Variants in COL11A1 observed in about 807,000 individuals in gnomAD.
COL11A1 encodes collagen type XI alpha 1 chain, also known as collagen alpha-1(XI) chain.
COL11A1 carries 74 observed loss-of-function variants against 265.2 expected under a neutral mutation model. That is an observed-to-expected ratio of 0.28 (90% CI 0.23 to 0.34). The LOEUF (loss-of-function observed/expected upper bound fraction) is 0.34. Ranked by LOEUF, COL11A1 falls within the 10% of genes least tolerant of loss-of-function variation. COL11A1 has a pLI of 1.00. For missense variants in COL11A1, 2,165 were observed against 2,263.6 expected (o/e 0.96, Z 0.88); for synonymous variants, 816 against 727.6 (o/e 1.12, Z -1.96).
chr1:103,018,957 T>C, intron 9 of COL11A1, 98 bp from the exon 10 acceptor site: 3 of 940,194 alleles, frequency 3.2e-6, no homozygotes, highest in Non-Finnish European at 5.1e-6. Context: ...GCATATTAAA[T>C]AGTGAATTAT....
At chr1:102,905,229 G>C (rs11576276) in intron 54 of COL11A1, among the ~76,000 whole-genome samples, 62,786 of 97,878 alleles carry the variant, frequency 0.64, 22,635 homozygotes, top group East Asian at 0.98. Context: ...GTTGTGGGGT[G>C]GGGGGAGGGG....
At chr1:102,998,387 A>G (rs1439991599) in intron 24 of COL11A1, 24 bp from the exon 25 acceptor site, 2 of 1,495,226 alleles carry the variant, frequency 1.3e-6, no homozygotes, top group Non-Finnish European at 1.8e-6. Flanking sequence ...AAAAAATATT[A>G]AAAAGATAAA....
intron 58 of COL11A1, 118 bp downstream of exon 58, chr1:102,890,333 G>T: frequency 1.1e-6 from 1 of 910,628 alleles, no homozygotes; most frequent in South Asian, 1.7e-5. Context: ...GCTTTTTTCA[G>T]GGTTAGAATG....
chr1:102,881,727 A>T lies in COL11A1; in HGVS notation c.5010T>A (p.Ser1670Arg). ...TTCCCCTCTTAAATTCACTAAACCA[A>T]CTTCCTGGTTTCTCCTTTGGCCATG... is the stretch of plus-strand genomic sequence containing the variant. The part of the protein sequence containing the change: ...ISSWPKEKPG[S>R]WFSEFKRGKL... Residue 1670 changes from serine to arginine, a missense_variant, in exon 65 of 67, where the codon AGT becomes AGA. By Grantham distance (110) the Ser-to-Arg change is moderately radical. Coordinates refer to ENST00000370096, the MANE Select transcript of COL11A1 (RefSeq NM_001854.4). 1 of 1,612,632 alleles carries T rather than the reference A, an allele frequency of 6.2e-7. No homozygotes were observed. The highest frequency in any genetic ancestry group is 8.5e-7 in the Non-Finnish European group (1 of 1,179,106).
At chr1:103,072,408 T>C (rs1209526035) in intron 4 of COL11A1, among the ~76,000 whole-genome samples, 2 of 151,920 alleles carry the variant, frequency 1.3e-5, no homozygotes, top group Non-Finnish European at 2.9e-5. Flanking sequence ...TTCAGACTAA[T>C]GAATCACTGG....
chr1:103,083,949 C>A lies in COL11A1; in HGVS notation c.107-977G>T, dbSNP rs541159852. Among the ~76,000 whole-genome samples the A allele has an allele frequency of 3.9e-5, 6 of 152,196 alleles. No homozygotes were observed. In the East Asian group the frequency reaches 9.7e-4, roughly 25 times the overall value. ...TGGTCAATATAAAATATGTTTGGAA[C>A]CTTAAACTTTCCCTTTGTAAGTGTG... On this transcript the variant is annotated intron_variant, in intron 1 of 66. Coordinates refer to ENST00000370096, the MANE Select transcript of COL11A1 (RefSeq NM_001854.4).
rs1230747883 is a variant in COL11A1 at position 103,040,782 on chromosome 1, T to C, written c.652-9538A>G. Among the ~76,000 whole-genome samples the C allele has an allele frequency of 2.6e-5, 4 of 151,834 alleles. No individual in the cohort carries two copies. In the East Asian group the frequency reaches 7.7e-4, roughly 29 times the overall value. On this transcript the variant is annotated intron_variant, in intron 4 of 66. Transcript: ENST00000370096. ...TTATTCATATGTAAGGAAACAAGTA[T>C]GTAATATTTTTATTTTTCTTTAACT...
At chr1:103,031,959 A>T (rs1261515409) in intron 4 of COL11A1, among the ~76,000 whole-genome samples, 5 of 152,004 alleles carry the variant, frequency 3.3e-5, no homozygotes, top group Non-Finnish European at 5.9e-5. Flanking sequence ...GAATTACCTA[A>T]AGAGTTTTAA....
At chr1:102,927,978 A>G (rs1031206107) in intron 46 of COL11A1, among the ~76,000 whole-genome samples, 8 of 152,118 alleles carry the variant, frequency 5.3e-5, no homozygotes, top group African/African-American at 1.9e-4. Context: ...CGGGGAAAGG[A>G]AGCGAAAGTG....
chr1:103,016,607 A>G (rs560426295), intron 11 of COL11A1, among the ~76,000 whole-genome samples: 1 of 151,940 alleles, frequency 6.6e-6, no homozygotes, highest in Non-Finnish European at 1.5e-5. Context: ...ACAAAATGCT[A>G]TAACTCAAAG....
chr1:103,014,734 G>T (rs1666421445), intron 12 of COL11A1, 140 bp from the exon 13 acceptor site: 1 of 724,946 alleles, frequency 1.4e-6, no homozygotes, highest in Non-Finnish European at 2.4e-6. Flanking sequence ...AATGAATCAT[G>T]AGATCTAGTT....
intron 63 of COL11A1, among the ~76,000 whole-genome samples, chr1:102,884,806 G>A (rs1050031869): frequency 2.6e-5 from 4 of 152,094 alleles, no homozygotes; most frequent in Non-Finnish European, 5.9e-5. Flanking sequence ...CCAGTCGTCC[G>A]CTTGACCCTC....
At chr1:103,082,540 TA>T (rs1437052198) in intron 2 of COL11A1, among the ~76,000 whole-genome samples, 1 of 152,076 alleles carries the variant, frequency 6.6e-6, no homozygotes, top group Non-Finnish European at 1.5e-5. Context: ...AATGTTCAAA[TA>T]AGAATATTTT....
rs149829359 is a variant in COL11A1, at chr1:103,050,828, C to T, written c.652-19584G>A. Among the ~76,000 whole-genome samples, 65 of 152,298 alleles carry T rather than the reference C, an allele frequency of 4.3e-4. No homozygotes were observed. The East Asian group carries it at 0.01, about 24-fold the overall frequency. On this transcript the variant is annotated intron_variant, in intron 4 of 66. Transcript: ENST00000370096. ...TAGTTTTCCTTCTAACAGACAGGTC[C>T]GTCAGCTGCAGGTCTGTTGGAGTTT...
At chr1:102,923,025 T>C (rs1280316437) in intron 47 of COL11A1, among the ~76,000 whole-genome samples, 1 of 152,180 alleles carries the variant, frequency 6.6e-6, no homozygotes, top group Non-Finnish European at 1.5e-5. Flanking sequence ...AATCAATAAA[T>C]GCAAATAATT....
chr1:103,038,338 G>A (rs1234452881), intron 4 of COL11A1, among the ~76,000 whole-genome samples: 1 of 152,076 alleles, frequency 6.6e-6, no homozygotes, highest in Admixed American at 6.5e-5. Flanking sequence ...GGTGGCGCAT[G>A]CTTGTAGTCC....
intron 26 of COL11A1, among the ~76,000 whole-genome samples, chr1:102,996,632 C>T (rs1664658103): frequency 6.6e-6 from 1 of 151,836 alleles, no homozygotes; most frequent in South Asian, 2.1e-4. Context: ...CCTACCCCTG[C>T]TACTGTAATC....
At chr1:103,004,806 G>T in intron 18 of COL11A1, 145 bp from the exon 19 acceptor site, 1 of 620,498 alleles carries the variant, frequency 1.6e-6, no homozygotes. Context: ...AAATTTTGCA[G>T]ATAAATCATA....
At chr1:102,932,367 G>T (rs1657574848) in intron 46 of COL11A1, among the ~76,000 whole-genome samples, 1 of 152,158 alleles carries the variant, frequency 6.6e-6, no homozygotes, top group African/African-American at 2.4e-5. Context: ...AGTTTGGCTG[G>T]ATATGAAGTT....
Sources: allele counts gnomAD v4.1 joint callset (sites outside exome capture counted in the v4.1 genomes callset), GRCh38; gene constraint gnomAD v4.1.1; transcripts MANE v1.5; gene names NCBI Gene and HGNC (gene_info 2026-07-23, HGNC 2026-07-21).